Variants in LOC400499 observed in about 807,000 individuals in gnomAD.
chr16:11,508,112 A>G, the LOC400499 span, among the ~76,000 whole-genome samples: 3 of 152,190 alleles, frequency 2.0e-5, no homozygotes, highest in Non-Finnish European at 2.9e-5. Context: ...CCAATGACAC[A>G]TCACTTTCCT....
At chr16:11,434,472 G>A in the LOC400499 span, among the ~76,000 whole-genome samples, 1 of 152,098 alleles carries the variant, frequency 6.6e-6, no homozygotes, top group Non-Finnish European at 1.5e-5. Context: ...CTTAACATGT[G>A]GGGTCTGATG....
At chr16:11,379,553 A>T in the LOC400499 span, among the ~76,000 whole-genome samples, 1 of 152,310 alleles carries the variant, frequency 6.6e-6, no homozygotes, top group South Asian at 2.1e-4. Context: ...TGTATTTTTA[A>T]AGATTATCAT....
the LOC400499 span, chr16:11,401,955 G>A: frequency 2.5e-6 from 1 of 398,904 alleles, no homozygotes; most frequent in Non-Finnish European, 4.4e-6. Context: ...CCTCAGGCAG[G>A]GGAGGGCCCC....
At chr16:11,384,126 C>T in the LOC400499 span, 18 of 1,218,264 alleles carry the variant, frequency 1.5e-5, no homozygotes, top group Non-Finnish European at 1.8e-5. Context: ...TCTGCAGAGC[C>T]ATCAGGCCGC....
the LOC400499 span, chr16:11,390,266 C>T: frequency 8.1e-7 from 1 of 1,232,790 alleles, no homozygotes; most frequent in South Asian, 4.1e-5. Context: ...ACGCCCCATC[C>T]TTGCTCACTC....
the LOC400499 span, among the ~76,000 whole-genome samples, chr16:11,493,418 A>G: frequency 6.6e-6 from 1 of 152,194 alleles, no homozygotes; most frequent in South Asian, 2.1e-4. Flanking sequence ...TAGAGGGGGC[A>G]CAGATGGCAC....
At chr16:11,434,628 G>A in the LOC400499 span, among the ~76,000 whole-genome samples, 1 of 152,238 alleles carries the variant, frequency 6.6e-6, no homozygotes, top group Non-Finnish European at 1.5e-5. Context: ...GAGAGCAGCA[G>A]AAAAGAGTTT....
the LOC400499 span, chr16:11,472,084 C>T: frequency 2.8e-6 from 1 of 353,044 alleles, no homozygotes; most frequent in Non-Finnish European, 5.1e-6. Context: ...GGATCCCCAT[C>T]CACTAGATGC....
chr16:11,516,173 G>A, the LOC400499 span: 8 of 399,692 alleles, frequency 2.0e-5, no homozygotes, highest in Non-Finnish European at 2.6e-5. Context: ...GTGGGCCCCT[G>A]GGTGGCCCTG....
chr16:11,391,533 C>T, the LOC400499 span: 11 of 718,894 alleles, frequency 1.5e-5, no homozygotes, highest in South Asian at 7.1e-5. Flanking sequence ...AGCTGGGCTA[C>T]AGGCCCATGG....
the LOC400499 span, among the ~76,000 whole-genome samples, chr16:11,485,429 A>T: frequency 2.0e-5 from 3 of 152,292 alleles, no homozygotes; most frequent in East Asian, 3.9e-4. Context: ...CGAAAGATCC[A>T]GGATGAGGGC....
the LOC400499 span, among the ~76,000 whole-genome samples, chr16:11,511,316 C>T: frequency 6.6e-6 from 1 of 152,082 alleles, no homozygotes; most frequent in South Asian, 2.1e-4. Flanking sequence ...CTGTAACTTT[C>T]CCCATAACCT....
At chr16:11,469,758 T>C in the LOC400499 span, 2 of 398,204 alleles carry the variant, frequency 5.0e-6, no homozygotes, top group East Asian at 7.1e-5. Flanking sequence ...CAACCAGGAA[T>C]TTCTCAGGCT....
At chr16:11,449,024 G>C in the LOC400499 span, 1 of 1,519,642 alleles carries the variant, frequency 6.6e-7, no homozygotes, top group Non-Finnish European at 8.8e-7. Context: ...CATGGATCTC[G>C]CCCTGCACTG....
chr16:11,394,542 G>C, the LOC400499 span, among the ~76,000 whole-genome samples: 1 of 152,236 alleles, frequency 6.6e-6, no homozygotes, highest in Non-Finnish European at 1.5e-5. Context: ...GTTAAGGGTT[G>C]AATTTTGTTC....
chr16:11,494,515 A>G, the LOC400499 span: 2 of 341,494 alleles, frequency 5.9e-6, no homozygotes, highest in Non-Finnish European at 5.2e-6. Context: ...AGCTTGCCTG[A>G]TTCGCTTCGG....
the LOC400499 span, chr16:11,456,929 A>G: frequency 1.5e-5 from 23 of 1,536,126 alleles, no homozygotes; most frequent in South Asian, 2.4e-4. Flanking sequence ...GCGGCCGCCC[A>G]TTGTACTGCA....
At chr16:11,515,202 T>C in the LOC400499 span, among the ~76,000 whole-genome samples, 1 of 152,088 alleles carries the variant, frequency 6.6e-6, no homozygotes, top group African/African-American at 2.4e-5. Context: ...TCCCAGCTAC[T>C]TGGGAGGCTG....
chr16:11,377,581 C>T, the LOC400499 span, among the ~76,000 whole-genome samples: 7 of 152,282 alleles, frequency 4.6e-5, no homozygotes, highest in East Asian at 3.9e-4. Context: ...TGTTTTCTTT[C>T]GTTCATTCTG....
Sources: gnomAD v4.1 joint callset for allele counts (sites outside exome capture counted in the v4.1 genomes callset) on GRCh38, gnomAD v4.1.1 for gene constraint, MANE v1.5 for transcripts.